The following FRMD4A variants were observed in gnomAD, a reference collection of about 807,000 sequenced individuals.
The protein encoded by FRMD4A is FERM domain containing 4A.
A neutral mutation model predicts 129.1 loss-of-function variants in FRMD4A; 29 were observed. The observed-to-expected ratio is 0.22, with a 90% CI of 0.17 to 0.31. The LOEUF is 0.31. FRMD4A is among the 10% of genes least tolerant of loss of function. FRMD4A has a pLI of 1.00. For missense variants in FRMD4A, 1,272 were observed against 1,375.8 expected (o/e 0.92, Z 1.19); for synonymous variants, 634 against 571.6 (o/e 1.11, Z -1.56).
At position 14,094,865 on chromosome 10, in the gene FRMD4A, G is replaced by A. The variant is rs544200890; in HGVS notation, c.45+235193C>T. Among the ~76,000 whole-genome samples the A allele has an allele frequency of 3.9e-5, 6 of 152,306 alleles. No individual in the cohort carries two copies. The East Asian group carries it at 7.7e-4, about 20-fold the overall frequency. On this transcript the variant is annotated intron_variant, in intron 2 of 24. Transcript: ENST00000357447. The stretch of plus-strand genomic sequence containing the variant: ...GTGTGTATGCATGCCAAGTGTGCAT[G>A]TGTGGACATATGTGCATGTATGTAT...
At chr10:14,212,439 C>A (rs1222467699) in intron 2 of FRMD4A, among the ~76,000 whole-genome samples, 4 of 152,132 alleles carry the variant, frequency 2.6e-5, no homozygotes, top group Non-Finnish European at 5.9e-5. Context: ...CTCCTAGCAT[C>A]CAGGGATCTC....
chr10:13,762,349 G>A (rs1288186735), intron 7 of FRMD4A, among the ~76,000 whole-genome samples: 1 of 152,158 alleles, frequency 6.6e-6, no homozygotes, highest in African/African-American at 2.4e-5. Context: ...AGAAAATGGG[G>A]TCAGTAAATG....
At chr10:14,205,052 CTTTTCTTTCT>C (rs982932973) in intron 2 of FRMD4A, among the ~76,000 whole-genome samples, 1 of 45,040 alleles carries the variant, frequency 2.2e-5, no homozygotes, top group Non-Finnish European at 4.2e-5. Context: ...TCTTTTTTTT[CTTTTCTTTCT>C]TTTTTTTTTT....
At chr10:14,241,355 T>G (rs900703940) in intron 2 of FRMD4A, among the ~76,000 whole-genome samples, 1 of 152,180 alleles carries the variant, frequency 6.6e-6, no homozygotes, top group Non-Finnish European at 1.5e-5. Context: ...GTTGGAACCA[T>G]CTGAACTTGT....
intron 3 of FRMD4A, among the ~76,000 whole-genome samples, chr10:13,819,878 C>T (rs1337011725): frequency 2.0e-5 from 3 of 152,114 alleles, no homozygotes; most frequent in African/African-American, 7.2e-5. Context: ...TGTGCCACCA[C>T]ACCCAGCTAA....
chr10:14,047,498 G>A (rs1834038899), intron 2 of FRMD4A, among the ~76,000 whole-genome samples: 2 of 152,154 alleles, frequency 1.3e-5, no homozygotes, highest in Admixed American at 6.5e-5. Flanking sequence ...GGATCTCTAG[G>A]CAATCTTTAA....
At chr10:14,028,413 T>G (rs1476664210) in intron 2 of FRMD4A, among the ~76,000 whole-genome samples, 1 of 152,146 alleles carries the variant, frequency 6.6e-6, no homozygotes, top group African/African-American at 2.4e-5. Flanking sequence ...GGGGACTCAC[T>G]CTGGGACTTG....
At chr10:13,860,634 G>C (rs1024197927) in intron 2 of FRMD4A, among the ~76,000 whole-genome samples, 3 of 152,136 alleles carry the variant, frequency 2.0e-5, no homozygotes, top group Non-Finnish European at 2.9e-5. Flanking sequence ...CGCATCAGTA[G>C]ATCCTGGCCC....
At chr10:14,121,325 A>G (rs1379432834) in intron 2 of FRMD4A, among the ~76,000 whole-genome samples, 1 of 152,214 alleles carries the variant, frequency 6.6e-6, no homozygotes, top group Non-Finnish European at 1.5e-5. Flanking sequence ...CCAAGGTCGC[A>G]CTACTGCACT....
At chr10:13,720,347 C>T (rs2089297818) in intron 12 of FRMD4A, among the ~76,000 whole-genome samples, 1 of 152,212 alleles carries the variant, frequency 6.6e-6, no homozygotes, top group Non-Finnish European at 1.5e-5. Context: ...CTGCACCTGG[C>T]CCCAGTTATG....
intron 2 of FRMD4A, chr10:14,007,286 C>G (rs1479233347): frequency 6.6e-6 from 1 of 152,138 alleles, no homozygotes. Flanking sequence ...GTTTCTGAGA[C>G]CAACAGAACC....
intron 2 of FRMD4A, among the ~76,000 whole-genome samples, chr10:14,077,047 G>A (rs1835653103): frequency 6.6e-6 from 1 of 152,152 alleles, no homozygotes; most frequent in Non-Finnish European, 1.5e-5. Flanking sequence ...GCCTCTCACA[G>A]AGGTCCTGGG....
intron 2 of FRMD4A, among the ~76,000 whole-genome samples, chr10:14,055,213 T>A (rs1279002274): frequency 1.3e-5 from 2 of 152,184 alleles, no homozygotes; most frequent in East Asian, 3.8e-4. Context: ...AATTAATGAA[T>A]AGATCAATGT....
At chr10:13,816,785 G>A (rs2130892733) in intron 3 of FRMD4A, among the ~76,000 whole-genome samples, 1 of 152,306 alleles carries the variant, frequency 6.6e-6, no homozygotes. Context: ...GATCGGACTG[G>A]GAGCAAGGCC....
intron 6 of FRMD4A, among the ~76,000 whole-genome samples, chr10:13,774,169 C>A (rs1458153440): frequency 6.6e-6 from 1 of 152,170 alleles, no homozygotes; most frequent in Non-Finnish European, 1.5e-5. Flanking sequence ...ACAATGACAG[C>A]CCCGCTGTCT....
At chr10:14,218,399 T>G (rs1408170444) in intron 2 of FRMD4A, among the ~76,000 whole-genome samples, 1 of 152,244 alleles carries the variant, frequency 6.6e-6, no homozygotes, top group African/African-American at 2.4e-5. Flanking sequence ...GTATCATCCT[T>G]TGGATTAACC....
At chr10:14,253,705 G>A (rs1319415014) in intron 2 of FRMD4A, among the ~76,000 whole-genome samples, 1 of 152,210 alleles carries the variant, frequency 6.6e-6, no homozygotes, top group Non-Finnish European at 1.5e-5. Flanking sequence ...AGAGGGAATA[G>A]AGAACATGGT....
At chr10:14,070,887 C>T (rs1232731068) in intron 2 of FRMD4A, among the ~76,000 whole-genome samples, 3 of 152,100 alleles carry the variant, frequency 2.0e-5, no homozygotes, top group Non-Finnish European at 2.9e-5. Flanking sequence ...AGATTCAATG[C>T]TAAAGGAAGT....
At chr10:13,892,429 C>CGAGA (rs2094711393) in intron 2 of FRMD4A, among the ~76,000 whole-genome samples, 1 of 152,110 alleles carries the variant, frequency 6.6e-6, no homozygotes. Flanking sequence ...ACTTCCATTG[C>CGAGA]GAGAGACCCG....
Sources: gnomAD v4.1 joint callset for allele counts (sites outside exome capture counted in the v4.1 genomes callset) on GRCh38, gnomAD v4.1.1 for gene constraint, MANE v1.5 for transcripts, NCBI Gene and HGNC (gene_info 2026-07-23, HGNC 2026-07-21) for gene names.